TTC14: variants seen among roughly 807,000 people sequenced by gnomAD.
The protein encoded by TTC14 is tetratricopeptide repeat protein 14.
In TTC14, 63 loss-of-function variants were observed where a neutral mutation model predicts 79.9. The ratio of observed to expected loss-of-function variants is 0.79; its 90% CI spans 0.64 to 0.97. The LOEUF is 0.97. Ranked by LOEUF, TTC14 falls within the 50% of genes least tolerant of loss-of-function variation. The pLI, the probability that TTC14 is intolerant of heterozygous loss-of-function variation, is 0.00. For missense variants in TTC14, 895 were observed against 894.0 expected, an observed-to-expected ratio of 1.00 and a Z score of -0.01; for synonymous variants, 335 against 309.6, an observed-to-expected ratio of 1.08 and a Z score of -0.86.
chr3:180,603,423 A>G, intron 3 of TTC14, 100 bp downstream of exon 3: 1 of 1,024,470 alleles, frequency 9.8e-7, no homozygotes, highest in Non-Finnish European at 1.5e-6. Context: ...TATACCTGCC[A>G]AGATGCTTTT....
chr3:180,609,595 T>C (rs1716874428), intron 11 of TTC14, 35 bp from the exon 12 acceptor site: 1 of 1,471,922 alleles, frequency 6.8e-7, no homozygotes. Context: ...AGAAACATTT[T>C]TGTATATATA....
chr3:180,610,741 T>C lies in TTC14; in HGVS notation c.*199T>C. 1 of 1,285,982 alleles carries C rather than the reference T, an allele frequency of 7.8e-7. No individual in the cohort carries two copies. The highest frequency in any genetic ancestry group is 9.8e-7 in the Non-Finnish European group (1 of 1,015,616). 79.7% of individuals were successfully genotyped at this position (1,285,982 alleles called of 1,614,324 possible). On this transcript the variant is annotated 3_prime_UTR_variant, in exon 12 of 12. Transcript: ENST00000296015. ...CTTGTCACAGCTTGGTTTTTAGACT[T>C]TTTATGTATATGTTTATGTACAGTA...
At chr3:180,614,713 C>T, downstream of TTC14, 1 of 478,956 alleles carries the variant, frequency 2.1e-6, no homozygotes, top group East Asian at 3.6e-5. Context: ...TAACATGTAG[C>T]CTTGTCAAGA....
At chr3:180,609,357 T>C (rs1190628477) in intron 11 of TTC14, 2 of 1,110,532 alleles carry the variant, frequency 1.8e-6, no homozygotes, top group African/African-American at 3.3e-5. Context: ...CTCCTTTATG[T>C]GTTCAGTAGT....
chr3:180,617,358 A>G (rs1717285882), intron 12 of TTC14: 1 of 562,580 alleles, frequency 1.8e-6, no homozygotes, highest in East Asian at 2.9e-5. Context: ...TTACTATACA[A>G]TATACTTTTA....
chr3:180,604,980 C>A lies in TTC14; in HGVS notation c.830C>A (p.Pro277Gln). The change falls in exon 6 of 12, where the codon CCA becomes CAA. Residue 277 changes from proline (P) to glutamine (Q), a missense_variant. By Grantham distance (76) the Pro-to-Gln change is moderately conservative (BLOSUM62 -1). Coordinates refer to ENST00000296015, the MANE Select transcript of TTC14 (RefSeq NM_133462.4). ...AAACTAGGAATAGATGAATCTAATCCACCATCTTTAATGAGAGGCCTACAA... is the reference window on the plus strand; with the variant it reads ...AAACTAGGAATAGATGAATCTAATCAACCATCTTTAATGAGAGGCCTACAA... ...LEKLGIDESNPPSLMRGLQSK... is the reference protein window; with the variant it reads ...LEKLGIDESNQPSLMRGLQSK... 1.2e-6 allele frequency: 2 copies of A among 1,613,390 alleles called. No individual in the cohort carries two copies. Among genetic ancestry groups the A allele is most frequent in the South Asian group, 2.2e-5 (2 of 91,008 alleles).
At chr3:180,613,976 C>A, downstream of TTC14, 1 of 384,990 alleles carries the variant, frequency 2.6e-6, no homozygotes, top group Admixed American at 3.6e-5. Flanking sequence ...AGCATTTTTT[C>A]CCAAGGTTTG....
chr3:180,609,170 G>A (rs1716853357), intron 11 of TTC14: 3 of 637,766 alleles, frequency 4.7e-6, no homozygotes, highest in African/African-American at 2.0e-5. Context: ...TGCCATAACT[G>A]ATAGGGTGCT....
rs555880100 is a variant in TTC14 at position 180,611,114 on chromosome 3, T to C, written c.*572T>C. On this transcript the variant is annotated 3_prime_UTR_variant, in exon 12 of 12. Coordinates refer to ENST00000296015, the MANE Select transcript of TTC14 (RefSeq NM_133462.4). ...CTCTAAAGCCCAATTTGATTAAAAG[T>C]GGTTTGTGAACAGTCATTGGCTTCC... The C allele has an allele frequency of 1.0e-6, 1 of 985,254 alleles. No homozygotes were observed. Among genetic ancestry groups the C allele is most frequent in the East Asian group, 1.1e-4 (1 of 8,818 alleles). 61.0% of individuals were successfully genotyped at this position (985,254 alleles called of 1,614,324 possible).
At position 180,602,228 on chromosome 3, in the gene TTC14, G is replaced by C. The variant is rs1334105443; in HGVS notation, c.-34G>C. The C allele has an allele frequency of 1.2e-6, 2 of 1,609,912 alleles. No individual in the cohort carries two copies. Among genetic ancestry groups the C allele is most frequent in the African/African-American group, 2.7e-5 (2 of 74,890 alleles). On this transcript the variant is annotated 5_prime_UTR_variant, in exon 1 of 12. Coordinates refer to ENST00000296015, the MANE Select transcript of TTC14 (RefSeq NM_133462.4). Reference sequence around the variant, plus strand: ...GCGGACACGGAACAGGGAACTATCAGCCCGTCGGCCTCCGGGCCCTGCATT... The same window carrying C: ...GCGGACACGGAACAGGGAACTATCACCCCGTCGGCCTCCGGGCCCTGCATT...
In TTC14 at chr3:180,608,786, G is replaced by C; in HGVS notation, c.1376G>C (p.Arg459Pro). ...KKIETSAEKL[R>P]KLLKEEKRLK... The stretch of plus-strand genomic sequence containing the variant: ...ATAGAAACAAGTGCAGAAAAGTTGC[G>C]TAAGCTCTTAAAAGAAGAGAAGAGG... Residue 459 changes from arginine (R) to proline (P), a missense_variant, in exon 11 of 12, where the codon CGT becomes CCT. Arg to Pro is a moderately radical substitution (Grantham distance 103). Transcript: ENST00000296015. 1 of 1,550,846 alleles carries C rather than the reference G, an allele frequency of 6.4e-7. No individual in the cohort carries two copies. Among genetic ancestry groups the C allele is most frequent in the Non-Finnish European group, 8.7e-7 (1 of 1,153,570 alleles).
chr3:180,605,904 C>A, intron 7 of TTC14, 67 bp downstream of exon 7: 1 of 1,460,800 alleles, frequency 6.8e-7, no homozygotes, highest in Non-Finnish European at 9.3e-7. Flanking sequence ...GGCAAGCATG[C>A]TTATATCATC....
chr3:180,606,504 A>C lies in TTC14; in HGVS notation c.1073A>C (p.Asn358Thr), dbSNP rs1716698287. ...AGATATGCGACAAAAGGAAGTTTGAACAAAGCAATAGAAGATTTTGAGCTT... is the reference window on the plus strand; with the variant it reads ...AGATATGCGACAAAAGGAAGTTTGACCAAAGCAATAGAAGATTTTGAGCTT... ...GALYATKGSL[N>T]KAIEDFELAL... Residue 358 changes from asparagine to threonine, a missense_variant, in exon 9 of 12, where the codon AAC becomes ACC. Coordinates refer to ENST00000296015, the MANE Select transcript of TTC14 (RefSeq NM_133462.4). 2 of 1,613,864 alleles carry C rather than the reference A, an allele frequency of 1.2e-6. No homozygotes were observed.
At chr3:180,604,359 G>GT (rs758155452) in intron 4 of TTC14, 50 bp downstream of exon 4, 31 of 1,578,674 alleles carry the variant, frequency 2.0e-5, no homozygotes, top group Middle Eastern at 3.4e-4. Context: ...TTGAATTTTT[G>GT]TTTTTATTAA....
intron 7 of TTC14, 100 bp downstream of exon 7, chr3:180,605,937 T>A (rs926007068): frequency 2.5e-6 from 3 of 1,198,470 alleles, no homozygotes; most frequent in Non-Finnish European, 3.6e-6. Flanking sequence ...TTGAGATGCA[T>A]TAAAGTGATG....
chr3:180,607,241 C>G (rs1371950290), intron 9 of TTC14, among the ~76,000 whole-genome samples: 1 of 152,130 alleles, frequency 6.6e-6, no homozygotes, highest in East Asian at 1.9e-4. Context: ...ATGCTATTTA[C>G]AGGCTCATTG....
At chr3:180,605,730 G>A in intron 6 of TTC14, 36 bp from the exon 7 acceptor site, 1 of 1,483,092 alleles carries the variant, frequency 6.7e-7, no homozygotes. Context: ...AAAAATATTT[G>A]TGGTTTAACT....
rs150222211 is a variant in TTC14 at position 180,603,181 on chromosome 3, G to T, written c.344G>T (p.Arg115Leu). 6.2e-7 allele frequency: 1 copy of T among 1,613,936 alleles called. No individual in the cohort carries two copies. Among genetic ancestry groups the T allele is most frequent in the Non-Finnish European group, 8.5e-7 (1 of 1,179,990 alleles). ...TTCATGGAGATACCTAGTATGGATC[G>T]GAGAGAGCTGTTTTTCCGAGATATT... ...EQFMEIPSMD[R>L]RELFFRDIER... Residue 115 changes from arginine to leucine, a missense_variant, in exon 3 of 12, where the codon CGG becomes CTG. Arg to Leu is a moderately radical substitution (Grantham distance 102). Transcript: ENST00000296015.
downstream of TTC14, chr3:180,614,680 ACAGCATTTTTCCTATGCT>A: frequency 9.9e-6 from 4 of 403,198 alleles, no homozygotes; most frequent in Non-Finnish European, 1.8e-5. Flanking sequence ...ACAGTGAAAT[ACAGCATTTTTCCTATGCT>A]TGTATAACAT....
Sources: allele counts gnomAD v4.1 joint callset (sites outside exome capture counted in the v4.1 genomes callset), GRCh38; gene constraint gnomAD v4.1.1; transcripts MANE v1.5; gene names NCBI Gene and HGNC (gene_info 2026-07-23, HGNC 2026-07-21).